Variants in METTL15 observed in about 807,000 individuals in gnomAD.
The protein encoded by METTL15 is methyltransferase 15, mitochondrial 12S rRNA N4-cytidine.
Under a neutral mutation model 38.3 loss-of-function variants are expected in METTL15, and 34 were observed. The ratio of observed to expected loss-of-function variants is 0.89; its 90% CI spans 0.68 to 1.18. The LOEUF is 1.18. METTL15 is among the 50% of genes most tolerant of loss of function. METTL15 has a pLI of 0.00. For missense variants in METTL15, 438 were observed against 498.4 expected, an observed-to-expected ratio of 0.88 and a Z score of 1.15; for synonymous variants, 162 against 170.9, an observed-to-expected ratio of 0.95 and a Z score of 0.41.
chr11:28,390,385 C>A (rs1343081328), intron 5 of METTL15, among the ~76,000 whole-genome samples: 1 of 151,530 alleles, frequency 6.6e-6, no homozygotes, highest in Non-Finnish European at 1.5e-5. Context: ...GTCTTTAATC[C>A]ATCTTGAATT....
At chr11:28,240,658 C>G (rs1476144710) in intron 4 of METTL15, among the ~76,000 whole-genome samples, 2 of 152,076 alleles carry the variant, frequency 1.3e-5, no homozygotes, top group Non-Finnish European at 2.9e-5. Context: ...TATGCCTAAT[C>G]TTTTAAATGA....
At chr11:28,399,092 A>C (rs1850604185) in intron 5 of METTL15, 1 of 152,130 alleles carries the variant, frequency 6.6e-6, no homozygotes, top group African/African-American at 2.4e-5. Context: ...TACTGGTACC[A>C]AAACAGAGAT....
At chr11:28,175,339 G>C (rs528569516) in intron 3 of METTL15, among the ~76,000 whole-genome samples, 4 of 152,156 alleles carry the variant, frequency 2.6e-5, no homozygotes, top group African/African-American at 7.2e-5. Flanking sequence ...TCTTAATCCA[G>C]TCTATCATTG....
At chr11:28,168,478 T>A (rs900338308) in intron 3 of METTL15, among the ~76,000 whole-genome samples, 40 of 152,000 alleles carry the variant, frequency 2.6e-4, no homozygotes, top group Middle Eastern at 3.4e-3. Flanking sequence ...TTTTTTTTTT[T>A]AATTATACTT....
chr11:28,525,912 G>A (rs1421933811), intron 6 of METTL15, among the ~76,000 whole-genome samples: 15 of 152,368 alleles, frequency 9.8e-5, no homozygotes, highest in African/African-American at 3.6e-4. Flanking sequence ...GGGAGTCTCA[G>A]GCATGGTGGG....
rs183289527 is a variant in METTL15, at chr11:28,455,729, C to T, written c.*424+31365C>T. Among the ~76,000 whole-genome samples the T allele has an allele frequency of 4.8e-4, 73 of 152,182 alleles. No homozygotes were observed. In the East Asian group the frequency reaches 8.9e-3, roughly 19 times the overall value. Reference sequence around the variant, plus strand: ...TTTATTTTATTTTATTTTTTTGAGACGGAGTCTCGCTCTGTCACCCAGGCT... The same window carrying T: ...TTTATTTTATTTTATTTTTTTGAGATGGAGTCTCGCTCTGTCACCCAGGCT... On this transcript the variant is annotated intron_variant and NMD_transcript_variant, in intron 6 of 7. Coordinates refer to the METTL15 transcript ENST00000532947.
intron 3 of METTL15, among the ~76,000 whole-genome samples, chr11:28,200,963 G>A (rs1439694712): frequency 6.6e-6 from 1 of 152,084 alleles, no homozygotes; most frequent in Admixed American, 6.6e-5. Context: ...TGGTGAGAGG[G>A]CATCCTTATC....
chr11:28,238,162 C>T (rs961696997), intron 4 of METTL15, among the ~76,000 whole-genome samples: 1 of 152,200 alleles, frequency 6.6e-6, no homozygotes, highest in Non-Finnish European at 1.5e-5. Flanking sequence ...TTTAAATCTG[C>T]AGAGGTTACT....
intron 6 of METTL15, among the ~76,000 whole-genome samples, chr11:28,322,406 G>T (rs7102106): frequency 6.6e-6 from 1 of 151,860 alleles, no homozygotes; most frequent in Non-Finnish European, 1.5e-5. Context: ...TATTAGATTT[G>T]AAAAGATGTC....
chr11:28,335,536 T>C (rs1448073976), downstream of METTL15, among the ~76,000 whole-genome samples: 1 of 152,198 alleles, frequency 6.6e-6, no homozygotes, highest in Non-Finnish European at 1.5e-5. Flanking sequence ...GATGCTTTAT[T>C]TGACCCCTCC....
chr11:28,238,944 A>C (rs1854159726), intron 4 of METTL15, among the ~76,000 whole-genome samples: 2 of 152,118 alleles, frequency 1.3e-5, no homozygotes, highest in Non-Finnish European at 2.9e-5. Context: ...CTATTCCTTC[A>C]AATGATTTTA....
chr11:28,446,435 C>T (rs1174006869), intron 6 of METTL15, among the ~76,000 whole-genome samples: 1 of 152,126 alleles, frequency 6.6e-6, no homozygotes, highest in Admixed American at 6.5e-5. Flanking sequence ...AAGTTTTTCT[C>T]ATCCTGGTTT....
chr11:28,279,351 C>A (rs998421187), intron 4 of METTL15, among the ~76,000 whole-genome samples: 1 of 152,116 alleles, frequency 6.6e-6, no homozygotes, highest in Admixed American at 6.5e-5. Flanking sequence ...TTCAATCTGG[C>A]ACTCCTTTTT....
At chr11:28,114,250 C>T (rs1348086376) in intron 3 of METTL15, among the ~76,000 whole-genome samples, 2 of 152,066 alleles carry the variant, frequency 1.3e-5, no homozygotes, top group African/African-American at 4.8e-5. Context: ...CATTTTTTAT[C>T]TGCCTTCTTT....
chr11:28,179,356 C>G (rs554084842), intron 3 of METTL15, among the ~76,000 whole-genome samples: 1 of 151,600 alleles, frequency 6.6e-6, no homozygotes, highest in African/African-American at 2.4e-5. Context: ...AAAATACAGA[C>G]GTTTTAAGTG....
intron 4 of METTL15, among the ~76,000 whole-genome samples, chr11:28,274,760 A>G (rs192804911): frequency 1.3e-5 from 2 of 152,030 alleles, no homozygotes; most frequent in East Asian, 1.9e-4. Flanking sequence ...AATTGAATTT[A>G]AAGTGCCATT....
chr11:28,120,636 C>A (rs1852189281), intron 3 of METTL15, among the ~76,000 whole-genome samples: 1 of 152,090 alleles, frequency 6.6e-6, no homozygotes, highest in Admixed American at 6.5e-5. Flanking sequence ...TCTTCAACTT[C>A]TGTTTCCCTC....
chr11:28,511,514 C>T (rs530303789), intron 6 of METTL15, among the ~76,000 whole-genome samples: 24 of 152,180 alleles, frequency 1.6e-4, no homozygotes, highest in African/African-American at 2.6e-4. Context: ...GTGGCGTGTC[C>T]GGAGTTTGTT....
At chr11:28,524,999 G>A (rs572180660) in intron 6 of METTL15, among the ~76,000 whole-genome samples, 15 of 152,118 alleles carry the variant, frequency 9.9e-5, no homozygotes, top group Admixed American at 3.9e-4. Flanking sequence ...GCAGACCTTC[G>A]CGGTGAGTGT....
Sources: allele counts gnomAD v4.1 joint callset (sites outside exome capture counted in the v4.1 genomes callset), GRCh38; gene constraint gnomAD v4.1.1; transcripts MANE v1.5; gene names NCBI Gene and HGNC (gene_info 2026-07-23, HGNC 2026-07-21).